The following SEPTIN2 variants were observed in gnomAD, a reference collection of about 807,000 sequenced individuals.
SEPTIN2 encodes the protein septin-2.
Under a neutral mutation model 46.5 loss-of-function variants are expected in SEPTIN2, and 34 were observed. That is an observed-to-expected ratio of 0.73 (90% CI 0.56 to 0.97). The LOEUF (loss-of-function observed/expected upper bound fraction) is 0.97, where lower values mean the gene tolerates loss of function less well. Among genes scored for constraint, SEPTIN2 ranks in the 50% least tolerant of loss-of-function variants. The pLI, the probability that SEPTIN2 is intolerant of heterozygous loss-of-function variation, is 0.00. For synonymous variants in SEPTIN2, 175 were observed against 153.4 expected (o/e 1.14, Z -1.04); for missense variants, 347 against 448.4 (o/e 0.77, Z 2.04).
At position 241,335,220 on chromosome 2, in the gene SEPTIN2, CATTCTT is replaced by C. The variant is rs2079740999; in HGVS notation, c.217+11_217+16del. Reference sequence around the variant, plus strand: ...TCATACCTGGAGCAGCAGGTAAAAACATTCTTATGTTACTGTAAGTGTAATTCTACA... The same window carrying C: ...TCATACCTGGAGCAGCAGGTAAAAACATGTTACTGTAAGTGTAATTCTACA... On this transcript the variant is annotated intron_variant, in intron 4 of 12. Transcript: ENST00000391971. The C allele has an allele frequency of 1.9e-6, 3 of 1,611,180 alleles. No homozygotes were observed. Among genetic ancestry groups the C allele is most frequent in the African/African-American group, 2.7e-5 (2 of 74,868 alleles).
chr2:241,338,766 T>TTATATATATTATATTTATATATATATTTA, intron 7 of SEPTIN2, among the ~76,000 whole-genome samples: 1 of 113,058 alleles, frequency 8.8e-6, no homozygotes, highest in African/African-American at 3.8e-5. Context: ...TTTATATTGT[T>TTATATATATTATATTTATATATATATTTA]TATATATATT....
chr2:241,348,641 T>C (rs2060495081), intron 11 of SEPTIN2, among the ~76,000 whole-genome samples: 1 of 152,144 alleles, frequency 6.6e-6, no homozygotes, highest in Non-Finnish European at 1.5e-5. Flanking sequence ...AGGATACATA[T>C]AACTACTTTA....
chr2:241,328,522 A>G (rs2078392883), intron 3 of SEPTIN2, among the ~76,000 whole-genome samples: 1 of 151,566 alleles, frequency 6.6e-6, no homozygotes, highest in African/African-American at 2.4e-5. Context: ...AGATCACCTG[A>G]GGTTGGGAGT....
chr2:241,323,004 A>G (rs1042430655), intron 1 of SEPTIN2, among the ~76,000 whole-genome samples: 4 of 152,214 alleles, frequency 2.6e-5, no homozygotes, highest in Admixed American at 1.3e-4. Context: ...ATATATATAC[A>G]GTTGCTTTTA....
rs2076116174 is a variant in SEPTIN2, at chr2:241,315,974, G to A, written c.-26G>A. The stretch of plus-strand genomic sequence containing the variant: ...GTCGGTCGGCGCCTGTTCTCGGGCT[G>A]TTTGGCGGGTGAGTGTCTCGCCGGT... On this transcript the variant is annotated 5_prime_UTR_variant, in exon 1 of 13. Coordinates refer to ENST00000391971, the MANE Select transcript of SEPTIN2 (RefSeq NM_004404.5). The A allele has an allele frequency of 6.6e-6, 1 of 152,468 alleles. No homozygotes were observed. Among genetic ancestry groups the A allele is most frequent in the African/African-American group, 2.4e-5 (1 of 41,468 alleles). 9.4% of individuals were successfully genotyped at this position (152,468 alleles called of 1,614,324 possible).
chr2:241,337,128 C>A, intron 5 of SEPTIN2: 1 of 400,494 alleles, frequency 2.5e-6, no homozygotes, highest in Non-Finnish European at 4.4e-6. Flanking sequence ...GCCCTGTCTA[C>A]ACTGGCCCTC....
At chr2:241,338,895 ATATATAT>A (rs1358863227) in intron 7 of SEPTIN2, among the ~76,000 whole-genome samples, 3 of 79,814 alleles carry the variant, frequency 3.8e-5, no homozygotes, top group Non-Finnish European at 6.8e-5. Flanking sequence ...AATATATATT[ATATATAT>A]TATATATAAT....
intron 1 of SEPTIN2, among the ~76,000 whole-genome samples, chr2:241,322,481 C>A (rs1041928989): frequency 6.6e-6 from 1 of 151,900 alleles, no homozygotes; most frequent in Admixed American, 6.6e-5. Context: ...GTGGCGGGCG[C>A]CTGTAGTCCC....
chr2:241,327,226 A>G (rs1222293000), intron 3 of SEPTIN2, among the ~76,000 whole-genome samples: 1 of 152,092 alleles, frequency 6.6e-6, no homozygotes, highest in Non-Finnish European at 1.5e-5. Flanking sequence ...CTCGATGGCA[A>G]AGAAGAACTC....
chr2:241,344,007 C>G, intron 9 of SEPTIN2, 110 bp downstream of exon 9: 1 of 1,302,460 alleles, frequency 7.7e-7, no homozygotes, highest in South Asian at 1.3e-5. Flanking sequence ...GCTTCATTGC[C>G]GCCCTCAGTG....
chr2:241,351,343 G>C (rs904925593), intron 12 of SEPTIN2: 1 of 152,144 alleles, frequency 6.6e-6, no homozygotes, highest in Non-Finnish European at 1.5e-5. Flanking sequence ...ACAAAAATAC[G>C]TATGTACAGT....
chr2:241,342,780 C>A lies in SEPTIN2; in HGVS notation c.595-212C>A, dbSNP rs555387327. ...CTCCATCTCCTGACCTTGTGATCCA[C>A]CTGCCTCGGCGTCCCAAAGTGCTGG... On this transcript the variant is annotated intron_variant, in intron 7 of 12. Transcript: ENST00000391971. Among the ~76,000 whole-genome samples the A allele has an allele frequency of 2.6e-5, 4 of 152,212 alleles. No homozygotes were observed. The South Asian group carries it at 8.3e-4, about 32-fold the overall frequency.
intron 3 of SEPTIN2, among the ~76,000 whole-genome samples, chr2:241,327,219 G>A (rs2078144702): frequency 6.6e-6 from 1 of 151,862 alleles, no homozygotes; most frequent in African/African-American, 2.4e-5. Context: ...AATGGATCTC[G>A]ATGGCAAAGA....
chr2:241,338,590 AAT>A (rs200040079), intron 7 of SEPTIN2, among the ~76,000 whole-genome samples: 3,544 of 135,024 alleles, frequency 0.026, 353 homozygotes, highest in Admixed American at 0.16. Context: ...TCTCTAAAAA[AAT>A]ATATATATAT....
At chr2:241,327,606 A>G (rs1290159540) in intron 3 of SEPTIN2, among the ~76,000 whole-genome samples, 5 of 151,732 alleles carry the variant, frequency 3.3e-5, no homozygotes, top group Admixed American at 2.6e-4. Context: ...ATACCAGGCA[A>G]AATAAATATA....
intron 11 of SEPTIN2, among the ~76,000 whole-genome samples, chr2:241,349,648 C>T (rs549432577): frequency 6.6e-6 from 1 of 152,072 alleles, no homozygotes; most frequent in South Asian, 2.1e-4. Context: ...TGGTGAAACC[C>T]CGTCTCTACT....
At chr2:241,329,300 C>A (rs556629299) in intron 3 of SEPTIN2, among the ~76,000 whole-genome samples, 9 of 151,904 alleles carry the variant, frequency 5.9e-5, no homozygotes, top group Admixed American at 5.9e-4. Flanking sequence ...AATTTTGTTT[C>A]TGTATTTTTA....
chr2:241,349,958 C>T lies in SEPTIN2; in HGVS notation c.985-115C>T, dbSNP rs1031005938. ...GTAAAAAGTCTTTATGTAATAACTC[C>T]TGTCATATTTTGGGAAGGTGTAGAA... is the stretch of plus-strand genomic sequence containing the variant. On this transcript the variant is annotated intron_variant, in intron 11 of 12. Coordinates refer to ENST00000391971, the MANE Select transcript of SEPTIN2 (RefSeq NM_004404.5). 1.8e-5 allele frequency: 16 copies of T among 902,062 alleles called. No individual in the cohort carries two copies. In the African/African-American group the frequency reaches 2.0e-4, roughly 11 times the overall value. The allele number at this position is 902,062 out of a possible 1,614,324, so 55.9% of individuals were successfully genotyped here.
At chr2:241,335,267 A>T in intron 4 of SEPTIN2, 55 bp downstream of exon 4, 1 of 1,593,130 alleles carries the variant, frequency 6.3e-7, no homozygotes, top group Non-Finnish European at 8.6e-7. Flanking sequence ...GATGCTGAAG[A>T]CTGCCTAATT....
Sources: allele counts gnomAD v4.1 joint callset (sites outside exome capture counted in the v4.1 genomes callset), GRCh38; gene constraint gnomAD v4.1.1; transcripts MANE v1.5; gene names NCBI Gene and HGNC (gene_info 2026-07-23, HGNC 2026-07-21).